The following PEX13 variants were observed in gnomAD, a reference collection of about 807,000 sequenced individuals.
PEX13 encodes the protein peroxisomal biogenesis factor 13, also known as peroxisome biogenesis factor 13.
Under a neutral mutation model 34.5 loss-of-function variants are expected in PEX13, and 28 were observed. That is an observed-to-expected ratio of 0.81 (90% CI 0.60 to 1.11). The LOEUF is 1.11. Ranked by LOEUF, PEX13 falls within the 50% of genes most tolerant of loss-of-function variation. The pLI is 0.00. For missense variants in PEX13, 550 were observed against 491.0 expected, an observed-to-expected ratio of 1.12 and a Z score of -1.13; for synonymous variants, 177 against 175.1, an observed-to-expected ratio of 1.01 and a Z score of -0.09.
At chr2:61,018,120 G>C (rs1680137213) in intron 1 of PEX13, 2 of 1,547,490 alleles carry the variant, frequency 1.3e-6, no homozygotes, top group East Asian at 2.4e-5. Context: ...GAAAGAAAGG[G>C]GGGCGGCTTC....
intron 1 of PEX13, 40 bp from the exon 2 acceptor site, chr2:61,031,379 G>T (rs540876118): frequency 3.5e-6 from 5 of 1,436,774 alleles, no homozygotes; most frequent in Non-Finnish European, 3.9e-6. Flanking sequence ...TGAATTTATT[G>T]TATGCTTAAA....
intron 1 of PEX13, among the ~76,000 whole-genome samples, chr2:61,027,253 C>T (rs929283273): frequency 2.7e-4 from 40 of 150,124 alleles, no homozygotes; most frequent in Admixed American, 2.5e-3. Context: ...TGGGAGGGAT[C>T]GCTTGAGCCT....
chr2:61,036,388 C>T (rs1031002815), intron 2 of PEX13, among the ~76,000 whole-genome samples: 5 of 152,128 alleles, frequency 3.3e-5, no homozygotes, highest in Admixed American at 6.6e-5. Flanking sequence ...AGAGAAAGGC[C>T]GGATTACCCA....
At chr2:61,029,422 A>G (rs1206473092) in intron 1 of PEX13, among the ~76,000 whole-genome samples, 1 of 152,160 alleles carries the variant, frequency 6.6e-6, no homozygotes, top group African/African-American at 2.4e-5. Flanking sequence ...TTGGAACACA[A>G]TCTGGCAGTT....
At chr2:61,025,078 G>A (rs1280927243) in intron 1 of PEX13, among the ~76,000 whole-genome samples, 1 of 151,576 alleles carries the variant, frequency 6.6e-6, no homozygotes, top group Non-Finnish European at 1.5e-5. Context: ...TTGTTTGTTT[G>A]TTTTGTTTTT....
intron 2 of PEX13, among the ~76,000 whole-genome samples, chr2:61,042,100 G>T (rs1201487408): frequency 1.3e-5 from 2 of 152,200 alleles, no homozygotes; most frequent in East Asian, 3.8e-4. Flanking sequence ...ATACTTTTCA[G>T]TTGCTGGGAA....
In PEX13 at chr2:61,051,075, G is replaced by T. The variant is rs1198670744; in HGVS notation, c.*2305G>T. Reference sequence around the variant, plus strand: ...CTTTTTTGAAACGACAGTATCGTAAGTAACATATCATTTATAATAGAAATC... The same window carrying T: ...CTTTTTTGAAACGACAGTATCGTAATTAACATATCATTTATAATAGAAATC... On this transcript the variant is annotated 3_prime_UTR_variant, in exon 4 of 4. Coordinates refer to ENST00000295030, the MANE Select transcript of PEX13 (RefSeq NM_002618.4). The T allele has an allele frequency of 6.6e-6, 1 of 152,312 alleles. No homozygotes were observed. Among genetic ancestry groups the T allele is most frequent in the Non-Finnish European group, 1.5e-5 (1 of 68,044 alleles). 9.4% of individuals were successfully genotyped at this position (152,312 alleles called of 1,614,324 possible).
chr2:61,027,350 A>C (rs567162849), intron 1 of PEX13, among the ~76,000 whole-genome samples: 1 of 151,008 alleles, frequency 6.6e-6, no homozygotes, highest in South Asian at 2.1e-4. Context: ...AAAAAAAAAA[A>C]AACAAAACAC....
intron 2 of PEX13, among the ~76,000 whole-genome samples, chr2:61,038,998 C>T (rs139423253): frequency 0.021 from 3,160 of 152,184 alleles, 102 homozygotes; most frequent in African/African-American, 0.071. Context: ...TTCACAATTA[C>T]TACAAAGAGA....
chr2:61,040,236 G>T (rs1457063942), intron 2 of PEX13, among the ~76,000 whole-genome samples: 2 of 152,100 alleles, frequency 1.3e-5, no homozygotes, highest in Non-Finnish European at 1.5e-5. Flanking sequence ...CCCTTACTGG[G>T]TATATATCCA....
Position 61,017,793 on chromosome 2 carries a change from T to A in PEX13, c.34T>A (p.Trp12Arg). The A allele has an allele frequency of 1.3e-6, 2 of 1,550,330 alleles. No individual in the cohort carries two copies. The highest frequency in any genetic ancestry group is 2.4e-5 in the South Asian group (2 of 83,980). The change falls in exon 1 of 4, where the codon TGG becomes AGG. Residue 12 changes from tryptophan to arginine, a missense_variant. By Grantham distance (101) the Trp-to-Arg change is moderately radical. Transcript: ENST00000295030. ...CCAGCCGCCACCTCCCCCCAAACCC[T>A]GGGAGACCCGCCGAATTCCGGGAGC... ...ASQPPPPPKPWETRRIPGAGP... is the reference protein window; with the variant it reads ...ASQPPPPPKPRETRRIPGAGP...
At chr2:61,018,167 C>G (rs1481756119) in intron 1 of PEX13, 27 of 1,550,638 alleles carry the variant, frequency 1.7e-5, no homozygotes, top group Non-Finnish European at 2.3e-5. Context: ...GACAGAATGG[C>G]TTCTCTATCT....
intron 1 of PEX13, among the ~76,000 whole-genome samples, chr2:61,020,240 A>G (rs557889719): frequency 6.6e-6 from 1 of 152,172 alleles, no homozygotes; most frequent in East Asian, 1.9e-4. Flanking sequence ...AACAACAACA[A>G]CAAAAAACTT....
intron 1 of PEX13, among the ~76,000 whole-genome samples, chr2:61,028,116 A>G (rs1033692179): frequency 6.6e-6 from 1 of 152,222 alleles, no homozygotes; most frequent in African/African-American, 2.4e-5. Flanking sequence ...TAGATTATAT[A>G]CTAATTACAA....
At chr2:61,026,633 A>C (rs889149227) in intron 1 of PEX13, among the ~76,000 whole-genome samples, 2 of 150,812 alleles carry the variant, frequency 1.3e-5, no homozygotes, top group Middle Eastern at 3.2e-3. Flanking sequence ...GACATGAGCC[A>C]CCACGCCTGG....
chr2:61,047,083 A>G (rs1680714435), intron 3 of PEX13, among the ~76,000 whole-genome samples: 1 of 152,054 alleles, frequency 6.6e-6, no homozygotes, highest in Non-Finnish European at 1.5e-5. Flanking sequence ...AGCCTGGGCA[A>G]CGTAGTGTAA....
intron 2 of PEX13, among the ~76,000 whole-genome samples, chr2:61,035,983 TAAAAAA>T (rs1200600005): frequency 1.3e-4 from 13 of 98,370 alleles, no homozygotes; most frequent in Non-Finnish European, 2.3e-4. Flanking sequence ...AACTCCATCT[TAAAAAA>T]AAAAAAAAAA....
chr2:61,018,361 C>A lies in PEX13; in HGVS notation c.92+510C>A, dbSNP rs150650811. 79 of 1,489,634 alleles carry A rather than the reference C, an allele frequency of 5.3e-5. 1 individual carries two copies. In the African/African-American group the frequency reaches 8.7e-4, roughly 16 times the overall value. 92.3% of individuals were successfully genotyped at this position (1,489,634 alleles called of 1,614,324 possible). A position where few individuals can be genotyped will look rare whatever the true frequency, so the allele number is the denominator to read the frequency against. On this transcript the variant is annotated intron_variant, in intron 1 of 3. Transcript: ENST00000295030. ...TGCATTCTTTTCCAGCATAACTCAGCCAGTGTTTCGGATCGAGATTGGAGA... is the reference window on the plus strand; with the variant it reads ...TGCATTCTTTTCCAGCATAACTCAGACAGTGTTTCGGATCGAGATTGGAGA...
intron 1 of PEX13, among the ~76,000 whole-genome samples, chr2:61,020,896 C>G (rs1387845697): frequency 2.6e-5 from 4 of 152,162 alleles, no homozygotes; most frequent in African/African-American, 9.7e-5. Flanking sequence ...CTCAGGTGAT[C>G]TGCCCACCTA....
Sources: allele counts gnomAD v4.1 joint callset (sites outside exome capture counted in the v4.1 genomes callset), GRCh38; gene constraint gnomAD v4.1.1; transcripts MANE v1.5; gene names NCBI Gene and HGNC (gene_info 2026-07-23, HGNC 2026-07-21).